The following WWOX variants were observed in gnomAD, a reference collection of about 807,000 sequenced individuals.
The protein encoded by WWOX is WW domain containing oxidoreductase, also known as WW domain-containing oxidoreductase.
WWOX carries 69 observed loss-of-function variants against 46.2 expected under a neutral mutation model. The ratio of observed to expected loss-of-function variants is 1.49; its 90% CI spans 1.23 to 1.82. WWOX has a LOEUF of 1.82. WWOX is among the 40% of genes most tolerant of loss of function. The pLI is 0.00. For synonymous variants in WWOX, 359 were observed against 202.6 expected (o/e 1.77, Z -6.56); for missense variants, 919 against 542.6 (o/e 1.69, Z -6.89).
At chr16:78,460,551 A>G (rs1476790911) in intron 8 of WWOX, among the ~76,000 whole-genome samples, 2 of 152,160 alleles carry the variant, frequency 1.3e-5, no homozygotes, top group Non-Finnish European at 2.9e-5. Context: ...ACACCATACT[A>G]GCTCTTCCAC....
At chr16:78,349,180 T>C (rs1199739062) in intron 5 of WWOX, among the ~76,000 whole-genome samples, 1 of 120,838 alleles carries the variant, frequency 8.3e-6, no homozygotes, top group Non-Finnish European at 2.0e-5. Flanking sequence ...ACCTAGCCGC[T>C]GTGTGCACGC....
intron 5 of WWOX, among the ~76,000 whole-genome samples, chr16:78,214,848 T>A (rs1202637615): frequency 1.3e-5 from 2 of 149,468 alleles, no homozygotes; most frequent in African/African-American, 2.4e-5. Context: ...AAAAAAAAGG[T>A]TTGTCGTTTA....
chr16:78,242,751 T>C (rs919747555), intron 5 of WWOX, among the ~76,000 whole-genome samples: 1 of 152,196 alleles, frequency 6.6e-6, no homozygotes, highest in Non-Finnish European at 1.5e-5. Flanking sequence ...CTCACGCCTG[T>C]AATCCTAGCA....
rs1567587892 is a variant in WWOX at position 78,827,368 on chromosome 16, C to CA, written c.1057-384240_1057-384239insA. Among the ~76,000 whole-genome samples, 2 of 151,970 alleles carry CA rather than the reference C, an allele frequency of 1.3e-5. 1 individual carries two copies. The highest frequency in any genetic ancestry group is 4.8e-5 in the African/African-American group (2 of 41,366). ...TTTTACAGATGAGGAAGGTAAGGCT[C>CA]GGTGTCATCAACTCACAGAGGAAGT... On this transcript the variant is annotated intron_variant, in intron 8 of 8. Transcript: ENST00000566780.
intron 8 of WWOX, among the ~76,000 whole-genome samples, chr16:78,837,686 C>T (rs188103654): frequency 9.7e-4 from 148 of 152,188 alleles, no homozygotes; most frequent in Admixed American, 2.0e-3. Context: ...GAGGGGCTGA[C>T]AAAGATTGAG....
At chr16:78,779,154 G>A (rs570752826) in intron 8 of WWOX, among the ~76,000 whole-genome samples, 374 of 152,168 alleles carry the variant, frequency 2.5e-3, no homozygotes, top group Middle Eastern at 6.8e-3. Flanking sequence ...TGTCTTTTTT[G>A]TTGTTTGTTT....
chr16:78,441,959 AGTGT>A (rs145693201), intron 8 of WWOX, among the ~76,000 whole-genome samples: 2,201 of 139,698 alleles, frequency 0.016, 48 homozygotes, highest in African/African-American at 0.052. Context: ...TATGCGCATG[AGTGT>A]GTGTGTGTGT....
intron 8 of WWOX, among the ~76,000 whole-genome samples, chr16:79,139,741 G>T (rs529954411): frequency 6.6e-6 from 1 of 152,288 alleles, no homozygotes; most frequent in East Asian, 1.9e-4. Flanking sequence ...TGATTTATAT[G>T]CATCATGGGC....
At chr16:78,706,813 T>A (rs983359320) in intron 8 of WWOX, among the ~76,000 whole-genome samples, 1 of 152,130 alleles carries the variant, frequency 6.6e-6, no homozygotes, top group African/African-American at 2.4e-5. Flanking sequence ...ACCTTTTTTT[T>A]TGGAGACAGA....
At chr16:79,040,858 G>A (rs1355291084) in intron 8 of WWOX, among the ~76,000 whole-genome samples, 1 of 152,066 alleles carries the variant, frequency 6.6e-6, no homozygotes, top group Non-Finnish European at 1.5e-5. Flanking sequence ...ATCACAGAAA[G>A]TAACTTAGCT....
intron 8 of WWOX, among the ~76,000 whole-genome samples, chr16:78,445,832 C>G (rs377423413): frequency 8.3e-5 from 12 of 145,188 alleles, no homozygotes; most frequent in African/African-American, 2.3e-4. Flanking sequence ...GAGCAGAGAT[C>G]GTGCCACTGT....
chr16:79,112,925 A>G (rs574888702), intron 8 of WWOX, among the ~76,000 whole-genome samples: 1 of 152,294 alleles, frequency 6.6e-6, no homozygotes, highest in East Asian at 1.9e-4. Flanking sequence ...AGCACAGCTG[A>G]AAACCACTTT....
intron 8 of WWOX, among the ~76,000 whole-genome samples, chr16:78,533,693 CT>C (rs943382157): frequency 9.9e-5 from 15 of 152,274 alleles, no homozygotes; most frequent in Middle Eastern, 3.4e-3. Context: ...TTCCCCAGAC[CT>C]AACCTCGATT....
At chr16:78,815,436 C>T (rs976882720) in intron 8 of WWOX, among the ~76,000 whole-genome samples, 2 of 152,122 alleles carry the variant, frequency 1.3e-5, no homozygotes, top group African/African-American at 4.8e-5. Context: ...TTTCCTTAAA[C>T]CCTGCACCGA....
At chr16:79,128,248 C>T (rs2049800917) in intron 8 of WWOX, among the ~76,000 whole-genome samples, 1 of 152,152 alleles carries the variant, frequency 6.6e-6, no homozygotes, top group African/African-American at 2.4e-5. Flanking sequence ...CTCCTGATCC[C>T]ATTGGAGAAA....
At chr16:78,799,069 C>G (rs1177152564) in intron 8 of WWOX, among the ~76,000 whole-genome samples, 1 of 152,196 alleles carries the variant, frequency 6.6e-6, no homozygotes, top group Non-Finnish European at 1.5e-5. Context: ...CCTTGTCAAT[C>G]CATTTTGTCA....
chr16:78,974,103 C>G (rs1293341896), intron 8 of WWOX, among the ~76,000 whole-genome samples: 1 of 152,228 alleles, frequency 6.6e-6, no homozygotes, highest in Non-Finnish European at 1.5e-5. Context: ...GTAAAGGACT[C>G]TCCTCATTTC....
At chr16:78,677,414 G>T (rs1352342932) in intron 8 of WWOX, among the ~76,000 whole-genome samples, 1 of 152,106 alleles carries the variant, frequency 6.6e-6, no homozygotes, top group Non-Finnish European at 1.5e-5. Flanking sequence ...ACTTGCAATG[G>T]CTTGCCAACG....
chr16:78,699,095 AAGT>A (rs1387480024), intron 8 of WWOX, among the ~76,000 whole-genome samples: 1 of 152,184 alleles, frequency 6.6e-6, no homozygotes, highest in African/African-American at 2.4e-5. Context: ...CTTTGTATGA[AAGT>A]AGCCATAGGC....
Sources: gnomAD v4.1 joint callset for allele counts (sites outside exome capture counted in the v4.1 genomes callset) on GRCh38, gnomAD v4.1.1 for gene constraint, MANE v1.5 for transcripts, NCBI Gene and HGNC (gene_info 2026-07-23, HGNC 2026-07-21) for gene names.